The following ANKRD11 variants were observed in gnomAD, a reference collection of about 807,000 sequenced individuals.
ANKRD11 encodes ankyrin repeat domain 11.
A neutral mutation model predicts 195.7 loss-of-function variants in ANKRD11; 17 were observed. That is an observed-to-expected ratio of 0.09 (90% CI 0.06 to 0.13). ANKRD11 has a LOEUF of 0.13. ANKRD11 is among the 10% of genes least tolerant of loss of function. ANKRD11 has a pLI of 1.00. For missense variants in ANKRD11, 3,735 were observed against 3,566.1 expected, an observed-to-expected ratio of 1.05 and a Z score of -1.21; for synonymous variants, 1,953 against 1,528.1, an observed-to-expected ratio of 1.28 and a Z score of -6.49.
rs547013447 is a variant in ANKRD11, at chr16:89,431,839, G to C, written c.-144-13471C>G. 1.9e-3 allele frequency among the ~76,000 whole-genome samples: 290 copies of C among 152,222 alleles called. 2 individuals carry two copies. Among genetic ancestry groups the C allele is most frequent in the African/African-American group, 6.9e-3 (286 of 41,536 alleles). The stretch of plus-strand genomic sequence containing the variant: ...TTACTCGGCTCTCCTCACACAGGCT[G>C]TGCACATACAGAGCCCTCACCCCAC... On this transcript the variant is annotated intron_variant, in intron 1 of 12. Coordinates refer to ENST00000301030, the MANE Select transcript of ANKRD11 (RefSeq NM_013275.6).
chr16:89,291,056 G>A lies in ANKRD11; in HGVS notation c.354C>T (p.Ala118=). Residue 118 remains alanine (A), a synonymous_variant, in exon 5 of 13, where the codon GCC becomes GCT. Coordinates refer to ENST00000301030, the MANE Select transcript of ANKRD11 (RefSeq NM_013275.6). This position sits in a 1 kb window ranked among gnomAD's most constrained non-coding sequence, Gnocchi z 5.3. ...CCTCGGCCGTCATCTGCATGAGAAGGGCCACCTGCTGGCGCTCGGAGAGGG... is the reference window on the plus strand; with the variant it reads ...CCTCGGCCGTCATCTGCATGAGAAGAGCCACCTGCTGGCGCTCGGAGAGGG... ...GYPLSERQQV[A]LLMQMTAEES... is the part of the protein sequence containing the mutation. 1.2e-6 allele frequency: 2 copies of A among 1,613,242 alleles called. No homozygotes were observed. The highest frequency in any genetic ancestry group is 1.7e-6 in the Non-Finnish European group (2 of 1,179,856).
At chr16:89,419,554 AT>A (rs2042430597) in intron 1 of ANKRD11, among the ~76,000 whole-genome samples, 1 of 152,084 alleles carries the variant, frequency 6.6e-6, no homozygotes, top group South Asian at 2.1e-4. Flanking sequence ...GGGAAAAAAA[AT>A]CTATACCCAT....
At position 89,283,835 on chromosome 16, in the gene ANKRD11, G is replaced by A. The variant is rs764784295; in HGVS notation, c.2707C>T (p.Pro903Ser). The change falls in exon 9 of 13, where the codon CCC becomes TCC. Residue 903 changes from proline (P) to serine (S), a missense_variant. Physicochemically the swap from Pro to Ser is moderately conservative, Grantham distance 74 (BLOSUM62 -1). Coordinates refer to ENST00000301030, the MANE Select transcript of ANKRD11 (RefSeq NM_013275.6). This position sits in a 1 kb window ranked among gnomAD's most constrained non-coding sequence, Gnocchi z 4.3. ...TCCCTGTCCTTCTTTCGGAAGAAGG[G>A]CTCTCTGTAGTCTCGCTTCTCCCGG... ...RAREKRDYRE[P>S]FFRKKDRDYL... 15 of 1,613,936 alleles carry A rather than the reference G, an allele frequency of 9.3e-6. No individual in the cohort carries two copies. The African/African-American group carries it at 1.3e-4, about 14-fold the overall frequency.
chr16:89,320,926 C>G (rs1448439210), intron 2 of ANKRD11, among the ~76,000 whole-genome samples: 1 of 152,252 alleles, frequency 6.6e-6, no homozygotes, highest in African/African-American at 2.4e-5. Context: ...GCTGGCAGGA[C>G]AGACGTGACA....
At chr16:89,407,376 G>A (rs1597312508) in intron 2 of ANKRD11, among the ~76,000 whole-genome samples, 1 of 152,078 alleles carries the variant, frequency 6.6e-6, no homozygotes, top group African/African-American at 2.4e-5. Flanking sequence ...AAGAGACAAC[G>A]AGATAAAAGC....
At chr16:89,424,377 G>A (rs2042633608) in intron 1 of ANKRD11, among the ~76,000 whole-genome samples, 1 of 151,552 alleles carries the variant, frequency 6.6e-6, no homozygotes, top group South Asian at 2.1e-4. Context: ...GGAGACGGAG[G>A]TTGCAGCAAG....
chr16:89,375,316 C>T (rs865785159), intron 2 of ANKRD11, among the ~76,000 whole-genome samples: 13 of 152,188 alleles, frequency 8.5e-5, no homozygotes, highest in African/African-American at 2.9e-4. Context: ...AAGCTAGTTG[C>T]GGTAGCATGG....
chr16:89,314,189 A>G (rs1352956314), intron 3 of ANKRD11, among the ~76,000 whole-genome samples: 4 of 152,024 alleles, frequency 2.6e-5, no homozygotes, highest in Non-Finnish European at 5.9e-5. Flanking sequence ...AGGGTGCAGA[A>G]GTTGCAGTGA....
chr16:89,387,268 T>A (rs2040955346), intron 2 of ANKRD11, among the ~76,000 whole-genome samples: 3 of 150,362 alleles, frequency 2.0e-5, no homozygotes, highest in Middle Eastern at 6.9e-3. Flanking sequence ...GAGGCCTGAA[T>A]GGTGGGAGTG....
At chr16:89,305,504 C>T (rs1361747594) in intron 3 of ANKRD11, among the ~76,000 whole-genome samples, 160 bp from the exon 4 acceptor site, 1 of 152,130 alleles carries the variant, frequency 6.6e-6, no homozygotes, top group African/African-American at 2.4e-5. Flanking sequence ...TCACCGACCG[C>T]AGAACCTTCA....
chr16:89,339,834 G>C (rs184653991), intron 2 of ANKRD11: 195 of 152,286 alleles, frequency 1.3e-3, no homozygotes, highest in African/African-American at 4.3e-3. Context: ...ATCTGATTTT[G>C]GGGCTAAGCA....
chr16:89,372,406 G>A (rs1432726477), intron 2 of ANKRD11, among the ~76,000 whole-genome samples: 2 of 152,094 alleles, frequency 1.3e-5, no homozygotes, highest in Admixed American at 1.3e-4. Context: ...CAGCACGGAC[G>A]GGGTCGACAA....
chr16:89,268,563 T>G lies in ANKRD11; in HGVS notation c.7907A>C (p.His2636Pro). 1 of 1,528,486 alleles carries G rather than the reference T, an allele frequency of 6.5e-7. No homozygotes were observed. Among genetic ancestry groups the G allele is most frequent in the Admixed American group, 2.0e-5 (1 of 50,880 alleles). The allele number at this position is 1,528,486 out of a possible 1,614,324, so 94.7% of individuals were successfully genotyped here. The change falls in exon 13 of 13, where the codon CAC becomes CCC. Residue 2636 changes from histidine to proline, a missense_variant. By Grantham distance (77) the His-to-Pro change is moderately conservative. Transcript: ENST00000301030. ...LKVQELDPAG[H>P]KSLCVNEVPS... ...CACCTCGTTCACGCACAGGGACTTG[T>G]GCCCGGCGGGGTCCAGTTCCTGCAC...
chr16:89,334,511 G>C (rs993454270), intron 2 of ANKRD11, among the ~76,000 whole-genome samples: 1 of 152,116 alleles, frequency 6.6e-6, no homozygotes, highest in East Asian at 1.9e-4. Context: ...ACTCCAGGCT[G>C]GCAAAGTGAC....
chr16:89,302,018 G>T (rs1185665413), intron 4 of ANKRD11, among the ~76,000 whole-genome samples: 1 of 152,202 alleles, frequency 6.6e-6, no homozygotes, highest in Non-Finnish European at 1.5e-5. Flanking sequence ...CACCCCTCCA[G>T]AGAGGCCTGA....
chr16:89,285,600 G>T lies in ANKRD11; in HGVS notation c.942C>A (p.Val314=), dbSNP rs747275409. The T allele has an allele frequency of 1.9e-6, 3 of 1,614,092 alleles. No individual in the cohort carries two copies. The highest frequency in any genetic ancestry group is 2.5e-6 in the Non-Finnish European group (3 of 1,180,016). ...DAPSFAPSSS[V]DGNNTDSEFE... is the part of the protein sequence containing the mutation. Reference sequence around the variant, plus strand: ...ACTCGGAGTCCGTGTTGTTGCCGTCGACTGAACTGGAAGGTGCGAAGGATG... The same window carrying T: ...ACTCGGAGTCCGTGTTGTTGCCGTCTACTGAACTGGAAGGTGCGAAGGATG... Residue 314 remains valine, a synonymous_variant, in exon 9 of 13, where the codon GTC becomes GTA. Coordinates refer to ENST00000301030, the MANE Select transcript of ANKRD11 (RefSeq NM_013275.6). This position sits in a 1 kb window ranked among gnomAD's most constrained non-coding sequence, Gnocchi z 5.6.
chr16:89,457,949 G>A (rs964962277), intron 1 of ANKRD11, among the ~76,000 whole-genome samples: 13 of 152,064 alleles, frequency 8.5e-5, no homozygotes, highest in Non-Finnish European at 1.8e-4. Flanking sequence ...CAGCTGAGAC[G>A]GCACCTCGCA....
chr16:89,277,642 C>T (rs1373772257), intron 9 of ANKRD11: 2 of 152,304 alleles, frequency 1.3e-5, no homozygotes, highest in African/African-American at 4.8e-5. Flanking sequence ...GGATGAGCCT[C>T]CCCGGGGACG....
chr16:89,338,152 C>G (rs1029716365), intron 2 of ANKRD11, among the ~76,000 whole-genome samples: 48 of 152,214 alleles, frequency 3.2e-4, no homozygotes, highest in African/African-American at 1.1e-3. Flanking sequence ...GCCCCAAGCA[C>G]CCAGCTTCAG....
Sources: gnomAD v4.1 joint callset for allele counts (sites outside exome capture counted in the v4.1 genomes callset) on GRCh38, gnomAD v4.1.1 for gene constraint, Gnocchi (gnomAD v3.1) non-coding constraint, MANE v1.5 for transcripts, NCBI Gene and HGNC (gene_info 2026-07-23, HGNC 2026-07-21) for gene names.